Variants in NDRG2 observed in about 807,000 individuals in gnomAD.
NDRG2 encodes the protein NDRG family member 2, also known as protein NDRG2.
Under a neutral mutation model 58.2 loss-of-function variants are expected in NDRG2, and 34 were observed. The ratio of observed to expected loss-of-function variants is 0.58; its 90% confidence interval spans 0.44 to 0.78. The LOEUF (loss-of-function observed/expected upper bound fraction) is 0.78. Among genes scored for constraint, NDRG2 ranks in the 30% least tolerant of loss-of-function variants. NDRG2 has a pLI of 0.00. For missense variants in NDRG2, 434 were observed against 471.2 expected (o/e 0.92, Z 0.73); for synonymous variants, 187 against 175.9 (o/e 1.06, Z -0.50).
chr14:21,023,306 GC>G lies in NDRG2; in HGVS notation c.9del (p.Glu3AspfsTer27). The G allele has an allele frequency of 6.2e-7, 1 of 1,613,674 alleles. No individual in the cohort carries two copies. Among genetic ancestry groups the G allele is most frequent in the Non-Finnish European group, 8.5e-7 (1 of 1,179,818 alleles). On this transcript the variant is annotated frameshift_variant, in exon 2 of 16. Transcript: ENST00000556147. LOFTEE classifies it high-confidence loss of function. Reference protein sequence around the residue: MAELQEVQITEEK... With the variant: MAXLQEVQITEEK... ...TCCTCTGTGATCTGCACCTCCTGCA[GC>G]TCCGCCATGGTGGCCTGGCAGGATG...
chr14:21,020,394 T>C, intron 8 of NDRG2, 102 bp downstream of exon 8: 1 of 894,006 alleles, frequency 1.1e-6, no homozygotes, highest in East Asian at 2.6e-5. Context: ...ACTCCCTCCT[T>C]GAAGTTCAGA....
intron 1 of NDRG2, among the ~76,000 whole-genome samples, chr14:21,060,723 G>A (rs1228337808): frequency 6.6e-6 from 1 of 151,616 alleles, no homozygotes; most frequent in Non-Finnish European, 1.5e-5. Context: ...TAATCTGCCT[G>A]GCTTCCAAAC....
At chr14:21,022,308 C>A in intron 4 of NDRG2, 84 bp downstream of exon 4, 1 of 1,568,904 alleles carries the variant, frequency 6.4e-7, no homozygotes, top group Non-Finnish European at 8.8e-7. Flanking sequence ...CACACTGACC[C>A]CTCCCCTCCC....
chr14:21,035,518 G>A (rs903018086), intron 1 of NDRG2, among the ~76,000 whole-genome samples: 1 of 152,174 alleles, frequency 6.6e-6, no homozygotes, highest in Admixed American at 6.5e-5. Flanking sequence ...ACTCAGCCTT[G>A]TTAGTCTGCA....
chr14:21,038,470 T>C (rs1884752826), intron 1 of NDRG2, among the ~76,000 whole-genome samples: 1 of 152,154 alleles, frequency 6.6e-6, no homozygotes, highest in Admixed American at 6.5e-5. Flanking sequence ...GAGAAAGATG[T>C]CTCTGAATTG....
chr14:21,038,721 T>G (rs1257249551), intron 1 of NDRG2, among the ~76,000 whole-genome samples: 1 of 152,182 alleles, frequency 6.6e-6, no homozygotes, highest in Non-Finnish European at 1.5e-5. Context: ...GATACTTTGC[T>G]CTGTAGATAA....
chr14:21,028,241 TTTTTG>T (rs71112541), upstream of NDRG2, among the ~76,000 whole-genome samples: 8 of 150,340 alleles, frequency 5.3e-5, no homozygotes, highest in South Asian at 2.1e-4. Context: ...CTTGGGGTTC[TTTTTG>T]TTTTGTTTTG....
intron 1 of NDRG2, among the ~76,000 whole-genome samples, chr14:21,047,734 C>T (rs76750965): frequency 0.015 from 2,256 of 152,206 alleles, 58 homozygotes; most frequent in African/African-American, 0.051. Context: ...AGTAAAGGAG[C>T]GGAAATGGAG....
At chr14:21,044,148 A>G (rs1253456319) in intron 1 of NDRG2, 1 of 167,210 alleles carries the variant, frequency 6.0e-6, no homozygotes, top group East Asian at 1.9e-4. Context: ...TGAACTAGGT[A>G]AGAGTTCACT....
intron 1 of NDRG2, among the ~76,000 whole-genome samples, chr14:21,042,745 G>T (rs938487123): frequency 6.6e-6 from 1 of 152,124 alleles, no homozygotes; most frequent in African/African-American, 2.4e-5. Context: ...ACAGGCAACA[G>T]GGACAGAATG....
rs148573999 is a variant in NDRG2, at chr14:21,039,333, C to T, written c.25-16012G>A. On this transcript the variant is annotated intron_variant, in intron 1 of 14. Transcript: ENST00000403829. ...GAAGCTGGGCCAACAGAAGTGACTT[C>T]GACGATAGAATGAGAAGGAAGCAGG... is the stretch of plus-strand genomic sequence containing the variant. 2.8e-3 allele frequency among the ~76,000 whole-genome samples: 429 copies of T among 152,276 alleles called. 4 individuals are homozygous for T. The highest frequency in any genetic ancestry group is 4.4e-3 in the Non-Finnish European group (298 of 68,010).
intron 1 of NDRG2, among the ~76,000 whole-genome samples, chr14:21,040,880 A>G (rs1251598238): frequency 6.6e-6 from 1 of 152,174 alleles, no homozygotes; most frequent in Non-Finnish European, 1.5e-5. Flanking sequence ...TTCCCTAGCC[A>G]TTATCACTTT....
intron 1 of NDRG2, among the ~76,000 whole-genome samples, chr14:21,057,390 C>T (rs1346168249): frequency 2.0e-5 from 3 of 151,294 alleles, no homozygotes; most frequent in African/African-American, 7.3e-5. Context: ...GAGCCAAGAT[C>T]GCGCCATTGC....
intron 3 of NDRG2, 60 bp downstream of exon 3, chr14:21,022,804 C>G (rs1881322005): frequency 6.4e-7 from 1 of 1,561,906 alleles, no homozygotes; most frequent in Non-Finnish European, 8.8e-7. Flanking sequence ...AGAGGCCATC[C>G]TTCTACTGGG....
chr14:21,036,830 C>T (rs964049469), intron 1 of NDRG2, among the ~76,000 whole-genome samples: 13 of 152,206 alleles, frequency 8.5e-5, no homozygotes, highest in African/African-American at 2.9e-4. Flanking sequence ...AAGTGGGCAC[C>T]GTCAAGCAAG....
intron 1 of NDRG2, chr14:21,046,978 T>C (rs1055743639): frequency 7.9e-5 from 12 of 152,560 alleles, no homozygotes; most frequent in African/African-American, 2.4e-4. Flanking sequence ...GTCTCAGGGA[T>C]GGCAGAAGCA....
At chr14:21,041,805 T>C (rs1260519209) in intron 1 of NDRG2, among the ~76,000 whole-genome samples, 2 of 152,308 alleles carry the variant, frequency 1.3e-5, no homozygotes, top group South Asian at 2.1e-4. Context: ...CTGTGAATCA[T>C]TGTGGAATGG....
intron 1 of NDRG2, among the ~76,000 whole-genome samples, chr14:21,037,292 A>G (rs1271560182): frequency 6.6e-6 from 1 of 152,262 alleles, no homozygotes; most frequent in Non-Finnish European, 1.5e-5. Flanking sequence ...CTGATGCATA[A>G]GATTACTTCA....
chr14:21,054,683 A>T (rs1415656016), intron 1 of NDRG2, among the ~76,000 whole-genome samples: 1 of 152,228 alleles, frequency 6.6e-6, no homozygotes, highest in South Asian at 2.1e-4. Context: ...CCGAATTTCA[A>T]ATCCCGGCCC....
Sources: allele counts gnomAD v4.1 joint callset (sites outside exome capture counted in the v4.1 genomes callset), GRCh38; gene constraint gnomAD v4.1.1; transcripts MANE v1.5; gene names NCBI Gene and HGNC (gene_info 2026-07-23, HGNC 2026-07-21).